ACER3: variants seen among roughly 807,000 people sequenced by gnomAD.
ACER3 encodes the protein alkaline ceramidase 3.
Under a neutral mutation model 48.9 loss-of-function variants are expected in ACER3, and 16 were observed. The ratio of observed to expected loss-of-function variants is 0.33; its 90% confidence interval spans 0.22 to 0.50. ACER3 has a LOEUF of 0.50. Among genes scored for constraint, ACER3 ranks in the 20% least tolerant of loss-of-function variants. The probability of loss-of-function intolerance (pLI) is 0.98; values close to 1 mark genes in which losing one functional copy is unlikely to be tolerated. For missense variants in ACER3, 227 were observed against 326.0 expected, an observed-to-expected ratio of 0.70 and a Z score of 2.34; for synonymous variants, 109 against 107.8, an observed-to-expected ratio of 1.01 and a Z score of -0.07.
At chr11:76,891,824 T>G (rs1945812732) in intron 1 of ACER3, among the ~76,000 whole-genome samples, 1 of 152,192 alleles carries the variant, frequency 6.6e-6, no homozygotes, top group Non-Finnish European at 1.5e-5. Context: ...GTGCTAATGA[T>G]AGTTGTGGAG....
At chr11:76,994,136 C>CT (rs56841188) in intron 6 of ACER3, 2,816 of 398,876 alleles carry the variant, frequency 7.1e-3, no homozygotes, top group Admixed American at 0.017. Flanking sequence ...ATTAAACTTT[C>CT]TTTTTTTTTT....
intron 3 of ACER3, among the ~76,000 whole-genome samples, chr11:76,974,909 A>T (rs1948403589): frequency 6.6e-6 from 1 of 152,232 alleles, no homozygotes; most frequent in African/African-American, 2.4e-5. Flanking sequence ...GACCTATTTC[A>T]AGCTGGGATT....
At chr11:76,934,173 G>A (rs978370485) in intron 2 of ACER3, among the ~76,000 whole-genome samples, 7 of 151,762 alleles carry the variant, frequency 4.6e-5, no homozygotes, top group Non-Finnish European at 7.4e-5. Flanking sequence ...ATGGGATGGC[G>A]GCCGGGCAGA....
intron 1 of ACER3, among the ~76,000 whole-genome samples, chr11:76,869,615 A>G (rs1590857871): frequency 6.6e-6 from 1 of 152,064 alleles, no homozygotes; most frequent in East Asian, 1.9e-4. Context: ...CAAAACTAAA[A>G]CTCTGTATCC....
chr11:76,965,544 AG>A (rs1285266211), intron 3 of ACER3, among the ~76,000 whole-genome samples: 53 of 151,556 alleles, frequency 3.5e-4, no homozygotes, highest in Non-Finnish European at 7.2e-4. Context: ...AAAAATGTTA[AG>A]GGCAGCCAGA....
intron 3 of ACER3, among the ~76,000 whole-genome samples, chr11:76,970,423 A>G (rs1948267337): frequency 6.6e-6 from 1 of 152,234 alleles, no homozygotes; most frequent in Non-Finnish European, 1.5e-5. Flanking sequence ...AGGACATTAT[A>G]CAAAACATCT....
intron 1 of ACER3, among the ~76,000 whole-genome samples, chr11:76,880,794 G>C (rs372233587): frequency 1.4e-4 from 22 of 152,194 alleles, no homozygotes; most frequent in African/African-American, 4.3e-4. Context: ...AGCAAGGACT[G>C]TGGGAGTTAT....
intron 6 of ACER3, 195 bp from the exon 7 acceptor site, chr11:76,998,568 G>A (rs1948962658): frequency 4.0e-6 from 2 of 494,124 alleles, no homozygotes; most frequent in African/African-American, 4.1e-5. Flanking sequence ...ATAAAGTTAA[G>A]CAGACTCTTA....
intron 3 of ACER3, among the ~76,000 whole-genome samples, chr11:76,966,502 A>G (rs1030259440): frequency 4.7e-4 from 71 of 151,094 alleles, no homozygotes; most frequent in Middle Eastern, 3.4e-3. Flanking sequence ...TCAACAGAAT[A>G]TACATTCTTT....
At chr11:76,898,009 G>C (rs539429334) in intron 1 of ACER3, among the ~76,000 whole-genome samples, 2 of 152,134 alleles carry the variant, frequency 1.3e-5, no homozygotes, top group South Asian at 4.2e-4. Context: ...AATTTTTATT[G>C]CTTCATAAAA....
At chr11:77,019,458 C>CA (rs1267218896) in intron 9 of ACER3, 374 of 301,892 alleles carry the variant, frequency 1.2e-3, no homozygotes, top group Middle Eastern at 2.9e-3. Flanking sequence ...GACTCCATCT[C>CA]AAAAAAAAAG....
rs1199339575 is a variant in ACER3, at chr11:77,026,322, T to G, written c.*5995T>G. On this transcript the variant is annotated 3_prime_UTR_variant, in exon 11 of 11. Transcript: ENST00000532485. ...GTCCTTTCCACAGTTAGTCTTCGCT[T>G]CTTTTGGATTTTTCTTTTTAGAGCT... 3 of 152,202 alleles carry G rather than the reference T, an allele frequency of 2.0e-5. No homozygotes were observed. Among genetic ancestry groups the G allele is most frequent in the African/African-American group, 7.2e-5 (3 of 41,450 alleles). The allele number at this position is 152,202 out of a possible 1,614,324, so 9.4% of individuals were successfully genotyped here. A position where few individuals can be genotyped will look rare whatever the true frequency, so the allele number is the denominator to read the frequency against.
intron 3 of ACER3, chr11:76,959,282 A>G: frequency 7.9e-7 from 1 of 1,272,140 alleles, no homozygotes; most frequent in Non-Finnish European, 1.0e-6. Flanking sequence ...TGAGAGCAGC[A>G]TTAGAGAGCA....
At chr11:76,879,409 A>G (rs1394104986) in intron 1 of ACER3, among the ~76,000 whole-genome samples, 1 of 152,110 alleles carries the variant, frequency 6.6e-6, no homozygotes, top group Non-Finnish European at 1.5e-5. Flanking sequence ...TTTCTTTCCA[A>G]TCTTTATGCA....
intron 7 of ACER3, among the ~76,000 whole-genome samples, chr11:77,003,161 T>G (rs1259910825): frequency 2.0e-5 from 3 of 152,254 alleles, no homozygotes; most frequent in Non-Finnish European, 4.4e-5. Context: ...ATTAAACATA[T>G]GCAGAAAAAT....
At chr11:76,920,315 C>T (rs1946652446) in intron 1 of ACER3, among the ~76,000 whole-genome samples, 1 of 152,120 alleles carries the variant, frequency 6.6e-6, no homozygotes, top group Non-Finnish European at 1.5e-5. Context: ...TTAGCTGGCA[C>T]CCTAGAGGGC....
At position 76,875,107 on chromosome 11, in the gene ACER3, CTTTTTTTTT is replaced by C. The variant is rs10676364; in HGVS notation, c.103+14046_103+14054del. Among the ~76,000 whole-genome samples the C allele has an allele frequency of 8.1e-4, 63 of 78,162 alleles. 3 individuals are homozygous for C. The South Asian group carries it at 0.011, about 14-fold the overall frequency. 51.3% of individuals were successfully genotyped at this position (78,162 alleles called of 152,430 possible). On this transcript the variant is annotated intron_variant, in intron 1 of 10. Coordinates refer to ENST00000532485, the MANE Select transcript of ACER3 (RefSeq NM_018367.7). ...TTCTAACATGGCATGAAAAGCACTT[CTTTTTTTTT>C]TTTTTTTTTTTTTTTTTAGATGGAA...
intron 1 of ACER3, among the ~76,000 whole-genome samples, chr11:76,898,149 T>C (rs994938202): frequency 6.6e-6 from 1 of 152,220 alleles, no homozygotes; most frequent in Non-Finnish European, 1.5e-5. Flanking sequence ...ACCATTGCTT[T>C]TGTGCCATTA....
intron 1 of ACER3, among the ~76,000 whole-genome samples, chr11:76,910,701 A>G (rs1456863323): frequency 6.6e-6 from 1 of 152,188 alleles, no homozygotes; most frequent in Non-Finnish European, 1.5e-5. Flanking sequence ...GTAATAATAT[A>G]TAGTTTTCTA....
Sources: gnomAD v4.1 joint callset for allele counts (sites outside exome capture counted in the v4.1 genomes callset) on GRCh38, gnomAD v4.1.1 for gene constraint, MANE v1.5 for transcripts, NCBI Gene and HGNC (gene_info 2026-07-23, HGNC 2026-07-21) for gene names.